Variants in SYCP2L observed in about 807,000 individuals in gnomAD.
SYCP2L encodes the protein synaptonemal complex protein 2-like.
In SYCP2L, 98 loss-of-function variants were observed where a neutral mutation model predicts 125.8. The ratio of observed to expected loss-of-function variants is 0.78; its 90% CI spans 0.66 to 0.92. The LOEUF is 0.92. Ranked by LOEUF, SYCP2L falls within the 40% of genes least tolerant of loss-of-function variation. The probability of loss-of-function intolerance (pLI) is 0.00; values close to 1 mark genes in which losing one functional copy is unlikely to be tolerated. For missense variants in SYCP2L, 842 were observed against 936.4 expected, an observed-to-expected ratio of 0.90 and a Z score of 1.32; for synonymous variants, 317 against 325.4, an observed-to-expected ratio of 0.97 and a Z score of 0.28.
chr6:10,926,787 T>C (rs1330654932), intron 16 of SYCP2L, among the ~76,000 whole-genome samples: 1 of 150,960 alleles, frequency 6.6e-6, no homozygotes, highest in East Asian at 1.9e-4. Context: ...TTTTCTTTTT[T>C]TTTTTTTTTT....
chr6:10,952,802 T>A (rs1279100447), intron 23 of SYCP2L, among the ~76,000 whole-genome samples: 2 of 152,184 alleles, frequency 1.3e-5, no homozygotes, highest in African/African-American at 2.4e-5. Context: ...TCTTTTTTTT[T>A]ATTTTTAAAA....
At chr6:10,937,425 G>A (rs115691420) in intron 21 of SYCP2L, among the ~76,000 whole-genome samples, 31 of 152,252 alleles carry the variant, frequency 2.0e-4, no homozygotes, top group African/African-American at 7.5e-4. Flanking sequence ...TTTACAGGAT[G>A]CAGCAAGAGC....
intron 8 of SYCP2L, among the ~76,000 whole-genome samples, chr6:10,903,282 C>T (rs1302222100): frequency 2.0e-5 from 3 of 150,114 alleles, no homozygotes; most frequent in Non-Finnish European, 4.4e-5. Context: ...GGCGTGGTGG[C>T]TCACGCCTGT....
intron 18 of SYCP2L, among the ~76,000 whole-genome samples, chr6:10,929,142 C>T (rs1780947094): frequency 2.0e-5 from 3 of 151,818 alleles, no homozygotes; most frequent in Admixed American, 2.0e-4. Context: ...TCACCAGCCT[C>T]CGCCTCCCAA....
chr6:10,934,950 A>AGT (rs1781066510), intron 20 of SYCP2L, 108 bp from the exon 21 acceptor site: 15 of 1,042,446 alleles, frequency 1.4e-5, no homozygotes, highest in Non-Finnish European at 1.9e-5. Flanking sequence ...AAATGGAGTA[A>AGT]ATCTAATACT....
At chr6:10,924,357 TTTAA>T (rs1780861154) in intron 14 of SYCP2L, 135 bp from the exon 15 acceptor site, 2 of 647,362 alleles carry the variant, frequency 3.1e-6, no homozygotes, top group African/African-American at 1.9e-5. Context: ...AGTAATGTTA[TTTAA>T]TATGATTTCT....
Position 10,896,556 on chromosome 6 carries a change from G to A in SYCP2L, c.337-1455G>A, listed in dbSNP as rs1780262581. 1.3e-5 allele frequency among the ~76,000 whole-genome samples: 2 copies of A among 152,192 alleles called. 1 individual carries two copies. The highest frequency in any genetic ancestry group is 3.8e-4 in the East Asian group (2 of 5,198). On this transcript the variant is annotated intron_variant, in intron 4 of 29. Transcript: ENST00000283141. ...GGAGAAAATACAGCCTTAGCAGTGA[G>A]TTCTGCTGCGTAGAGGGACATTTCT...
chr6:10,911,552 C>A (rs1322264201), intron 12 of SYCP2L, among the ~76,000 whole-genome samples: 1 of 152,216 alleles, frequency 6.6e-6, no homozygotes, highest in East Asian at 1.9e-4. Flanking sequence ...CATGGCTACA[C>A]TACACATTCC....
intron 18 of SYCP2L, among the ~76,000 whole-genome samples, chr6:10,929,735 G>A (rs1247242097): frequency 6.6e-6 from 1 of 151,818 alleles, no homozygotes; most frequent in Non-Finnish European, 1.5e-5. Context: ...AGGAGTTTGA[G>A]ACCAGCCTGG....
Position 10,937,246 on chromosome 6 carries a change from C to T in SYCP2L, c.1813+2059C>T, listed in dbSNP as rs182429620. Among the ~76,000 whole-genome samples, 745 of 152,270 alleles carry T rather than the reference C, an allele frequency of 4.9e-3. 8 individuals are homozygous for T. The highest frequency in any genetic ancestry group is 5.6e-3 in the Non-Finnish European group (380 of 68,018). Reference sequence around the variant, plus strand: ...AAAAGATTGAGATAATCTCAGATGTCTTTTCTGATCACAGCAGTATGAAAC... The same window carrying T: ...AAAAGATTGAGATAATCTCAGATGTTTTTTCTGATCACAGCAGTATGAAAC... On this transcript the variant is annotated intron_variant, in intron 21 of 29. Coordinates refer to ENST00000283141, the MANE Select transcript of SYCP2L (RefSeq NM_001040274.3).
intron 29 of SYCP2L, among the ~76,000 whole-genome samples, chr6:10,969,812 G>T (rs147532831): frequency 6.6e-6 from 1 of 152,140 alleles, no homozygotes; most frequent in East Asian, 1.9e-4. Flanking sequence ...CCACTACAAA[G>T]AAAGATTTAC....
rs1470770645 is a variant in SYCP2L, at chr6:10,898,091, A to C, written c.417A>C (p.Ile139=). The C allele has an allele frequency of 6.2e-7, 1 of 1,614,084 alleles. No homozygotes were observed. The highest frequency in any genetic ancestry group is 2.2e-5 in the East Asian group (1 of 44,888). ...CAGACACGTCGCTGATTTGTGTTAT[A>C]GAAGATTTCTTTGACACTGCATTGG... The part of the protein sequence containing the change: ...LASDTSLICV[I]EDFFDTALII... Residue 139 remains isoleucine (I), a synonymous_variant, in exon 5 of 30, where the codon ATA becomes ATC. Coordinates refer to ENST00000283141, the MANE Select transcript of SYCP2L (RefSeq NM_001040274.3).
intron 21 of SYCP2L, among the ~76,000 whole-genome samples, chr6:10,940,213 G>C (rs1781191310): frequency 6.6e-6 from 1 of 152,176 alleles, no homozygotes; most frequent in African/African-American, 2.4e-5. Context: ...GGAGAGAAGG[G>C]AACAATTGTA....
intron 28 of SYCP2L, among the ~76,000 whole-genome samples, chr6:10,962,987 C>T (rs1367366861): frequency 1.3e-5 from 2 of 152,194 alleles, no homozygotes; most frequent in African/African-American, 2.4e-5. Flanking sequence ...TTGAGAACAG[C>T]TGATAAAAAG....
chr6:10,899,316 G>A (rs1235402574), intron 6 of SYCP2L, among the ~76,000 whole-genome samples: 1 of 152,140 alleles, frequency 6.6e-6, no homozygotes, highest in African/African-American at 2.4e-5. Context: ...CGGAGGCTGA[G>A]GAGGGAGAAT....
intron 2 of SYCP2L, among the ~76,000 whole-genome samples, chr6:10,892,442 G>A (rs1367716511): frequency 6.6e-6 from 1 of 152,188 alleles, no homozygotes; most frequent in Non-Finnish European, 1.5e-5. Flanking sequence ...TGTGACTACA[G>A]CCATGAACCA....
At chr6:10,906,819 G>A (rs1348567292) in intron 9 of SYCP2L, among the ~76,000 whole-genome samples, 6 of 150,684 alleles carry the variant, frequency 4.0e-5, no homozygotes, top group East Asian at 1.9e-4. Context: ...GGCTGGTCTC[G>A]AACTCCTGAC....
chr6:10,897,962 A>G, intron 4 of SYCP2L, 49 bp from the exon 5 acceptor site: 1 of 1,171,186 alleles, frequency 8.5e-7, no homozygotes, highest in Non-Finnish European at 1.3e-6. Flanking sequence ...ATTTTATTGA[A>G]TAGGCAGCAT....
At chr6:10,959,880 A>AG (rs1561701929) in intron 26 of SYCP2L, among the ~76,000 whole-genome samples, 2 of 151,586 alleles carry the variant, frequency 1.3e-5, no homozygotes, top group African/African-American at 4.8e-5. Context: ...AAAAAAAAAA[A>AG]AAAAGAAAGA....
Sources: allele counts gnomAD v4.1 joint callset (sites outside exome capture counted in the v4.1 genomes callset), GRCh38; gene constraint gnomAD v4.1.1; transcripts MANE v1.5; gene names NCBI Gene and HGNC (gene_info 2026-07-23, HGNC 2026-07-21).